The following PTPRK variants were observed in gnomAD, a reference collection of about 807,000 sequenced individuals.
PTPRK encodes receptor-type tyrosine-protein phosphatase kappa.
PTPRK carries 75 observed loss-of-function variants against 178.0 expected under a neutral mutation model. That is an observed-to-expected ratio of 0.42 (90% confidence interval 0.35 to 0.51). PTPRK has a LOEUF of 0.51. Among genes scored for constraint, PTPRK ranks in the 20% least tolerant of loss-of-function variants. The pLI is 0.02. For synonymous variants in PTPRK, 637 were observed against 620.6 expected (o/e 1.03, Z -0.39); for missense variants, 1,441 against 1,797.8 (o/e 0.80, Z 3.59).
chr6:128,355,682 A>C (rs953224388), intron 2 of PTPRK, among the ~76,000 whole-genome samples: 36 of 152,158 alleles, frequency 2.4e-4, no homozygotes, highest in African/African-American at 8.7e-4. Flanking sequence ...GCTTTAGGAG[A>C]TATACCTAAT....
intron 13 of PTPRK, among the ~76,000 whole-genome samples, chr6:128,063,960 C>T (rs905430147): frequency 3.3e-5 from 5 of 152,166 alleles, no homozygotes; most frequent in Non-Finnish European, 5.9e-5. Context: ...CTACTAATTC[C>T]GGCAGCAAAC....
intron 1 of PTPRK, among the ~76,000 whole-genome samples, chr6:128,472,506 C>A (rs565384420): frequency 6.9e-6 from 1 of 145,976 alleles, no homozygotes; most frequent in Non-Finnish European, 1.5e-5. Flanking sequence ...AGAAAAGTTG[C>A]GAGACTAACA....
chr6:128,129,889 G>GA (rs1793949405), intron 7 of PTPRK, among the ~76,000 whole-genome samples: 1 of 152,026 alleles, frequency 6.6e-6, no homozygotes, highest in Non-Finnish European at 1.5e-5. Context: ...AGGCTGAAAG[G>GA]AAAAAATGCC....
At chr6:128,402,531 C>A (rs375569610) in intron 1 of PTPRK, among the ~76,000 whole-genome samples, 4 of 152,236 alleles carry the variant, frequency 2.6e-5, no homozygotes, top group African/African-American at 9.6e-5. Context: ...GGATTACAGG[C>A]GTGAGCCACT....
At chr6:128,242,271 T>C (rs1372663271) in intron 4 of PTPRK, among the ~76,000 whole-genome samples, 2 of 152,186 alleles carry the variant, frequency 1.3e-5, no homozygotes, top group Non-Finnish European at 1.5e-5. Flanking sequence ...TGCATGTATA[T>C]TTTGTTCTCA....
intron 29 of PTPRK, among the ~76,000 whole-genome samples, chr6:127,972,456 A>AG (rs372290985): frequency 1.3e-5 from 2 of 152,198 alleles, no homozygotes; most frequent in African/African-American, 4.8e-5. Flanking sequence ...CATACCTATC[A>AG]GCTCTTATTT....
At chr6:128,469,162 G>A (rs1334135692) in intron 1 of PTPRK, among the ~76,000 whole-genome samples, 1 of 152,070 alleles carries the variant, frequency 6.6e-6, no homozygotes, top group Non-Finnish European at 1.5e-5. Context: ...ACTACTATAA[G>A]GAAGTGCTTT....
chr6:128,302,074 G>A (rs1005552983), intron 3 of PTPRK, among the ~76,000 whole-genome samples: 3 of 151,868 alleles, frequency 2.0e-5, no homozygotes, highest in Admixed American at 2.0e-4. Flanking sequence ...CAAACCAGAA[G>A]AACACATCAT....
chr6:128,189,979 T>TA (rs144853566), intron 6 of PTPRK, among the ~76,000 whole-genome samples: 3,367 of 152,274 alleles, frequency 0.022, 125 homozygotes, highest in African/African-American at 0.076. Flanking sequence ...CATAATTTAA[T>TA]AAATTCTTGA....
chr6:128,052,467 G>T (rs1324484705), intron 13 of PTPRK, among the ~76,000 whole-genome samples: 1 of 152,044 alleles, frequency 6.6e-6, no homozygotes, highest in Non-Finnish European at 1.5e-5. Flanking sequence ...CACTTTCAAG[G>T]CCTTACGTTT....
intron 13 of PTPRK, among the ~76,000 whole-genome samples, chr6:128,013,694 T>C (rs1779289796): frequency 6.6e-6 from 1 of 151,540 alleles, no homozygotes; most frequent in South Asian, 2.1e-4. Flanking sequence ...CAAACTGGAA[T>C]GCACAGTCAC....
chr6:128,158,605 AT>A (rs1319336881), intron 7 of PTPRK, among the ~76,000 whole-genome samples: 1 of 151,864 alleles, frequency 6.6e-6, no homozygotes, highest in African/African-American at 2.4e-5. Context: ...TCAAAATAAA[AT>A]AAATCATTTA....
intron 3 of PTPRK, among the ~76,000 whole-genome samples, chr6:128,295,032 T>C (rs770311305): frequency 2.0e-5 from 3 of 152,202 alleles, no homozygotes; most frequent in South Asian, 2.1e-4. Context: ...TAATTGTACA[T>C]GTGATTCCAT....
chr6:128,103,832 AC>A (rs1261109967), intron 7 of PTPRK, among the ~76,000 whole-genome samples: 1 of 152,076 alleles, frequency 6.6e-6, no homozygotes, highest in Non-Finnish European at 1.5e-5. Flanking sequence ...CTGTCTTCCC[AC>A]AGTTTGTTAC....
intron 1 of PTPRK, among the ~76,000 whole-genome samples, chr6:128,514,776 A>G (rs1857706046): frequency 6.6e-6 from 1 of 152,218 alleles, no homozygotes; most frequent in Non-Finnish European, 1.5e-5. Context: ...CGAGAGGATC[A>G]ATGTGATCCT....
intron 2 of PTPRK, among the ~76,000 whole-genome samples, chr6:128,357,387 C>A (rs1834102599): frequency 6.6e-6 from 1 of 152,098 alleles, no homozygotes; most frequent in African/African-American, 2.4e-5. Context: ...GATCACAGAC[C>A]TCTGATTACC....
chr6:128,462,014 A>T (rs1180023256), intron 1 of PTPRK, among the ~76,000 whole-genome samples: 1 of 152,160 alleles, frequency 6.6e-6, no homozygotes, highest in Middle Eastern at 3.2e-3. Flanking sequence ...GTTTTTTAAG[A>T]GACAGGGTCT....
chr6:128,101,965 G>A (rs973400524), intron 7 of PTPRK, among the ~76,000 whole-genome samples: 24 of 152,136 alleles, frequency 1.6e-4, no homozygotes, highest in African/African-American at 5.8e-4. Flanking sequence ...GATAAATAAT[G>A]TTTTAATCTG....
intron 1 of PTPRK, among the ~76,000 whole-genome samples, chr6:128,471,221 G>T (rs78096581): frequency 0.017 from 2,513 of 152,092 alleles, 28 homozygotes; most frequent in Non-Finnish European, 0.027. Context: ...GCCACTGTAA[G>T]AAATATGCCA....
Sources: allele counts gnomAD v4.1 joint callset (sites outside exome capture counted in the v4.1 genomes callset), GRCh38; gene constraint gnomAD v4.1.1; transcripts MANE v1.5; gene names NCBI Gene and HGNC (gene_info 2026-07-23, HGNC 2026-07-21).